The following PLCH1 variants were observed in gnomAD, a reference collection of about 807,000 sequenced individuals.
The protein encoded by PLCH1 is phospholipase C eta 1.
PLCH1 carries 60 observed loss-of-function variants against 126.7 expected under a neutral mutation model. That is an observed-to-expected ratio of 0.47 (90% CI 0.38 to 0.59). The LOEUF (loss-of-function observed/expected upper bound fraction) is 0.59. PLCH1 is among the 20% of genes least tolerant of loss of function. The pLI is 0.00. For synonymous variants in PLCH1, 719 were observed against 734.9 expected (o/e 0.98, Z 0.35); for missense variants, 1,723 against 2,040.0 (o/e 0.84, Z 2.99).
intron 11 of PLCH1, among the ~76,000 whole-genome samples, chr3:155,521,555 C>T (rs1159967083): frequency 1.3e-5 from 2 of 152,138 alleles, no homozygotes; most frequent in African/African-American, 4.8e-5. Flanking sequence ...AGAGCTTCCT[C>T]TAAGATAATT....
chr3:155,480,960 TA>T lies in PLCH1; in HGVS notation c.*7del. The T allele has an allele frequency of 1.3e-6, 2 of 1,563,562 alleles. No homozygotes were observed. The highest frequency in any genetic ancestry group is 1.7e-6 in the Non-Finnish European group (2 of 1,150,650). On this transcript the variant is annotated 3_prime_UTR_variant, in exon 23 of 23. Transcript: ENST00000460012. ...CTTGAAAACCTTAAGAATGCAGTTTTAAATAATTCACAGTCTCAAAAGAAAA... is the reference window on the plus strand; with the variant it reads ...CTTGAAAACCTTAAGAATGCAGTTTTAATAATTCACAGTCTCAAAAGAAAA...
intron 1 of PLCH1, among the ~76,000 whole-genome samples, chr3:155,728,652 A>G (rs928980604): frequency 6.6e-6 from 1 of 152,326 alleles, no homozygotes. Flanking sequence ...AACAAGACAG[A>G]GCCCTACTAA....
intron 2 of PLCH1, among the ~76,000 whole-genome samples, chr3:155,650,863 C>A (rs1049153591): frequency 6.6e-6 from 1 of 152,118 alleles, no homozygotes; most frequent in Non-Finnish European, 1.5e-5. Context: ...CATGGCAAAA[C>A]CCCATCTCTA....
chr3:155,631,248 G>A (rs1173347801), intron 2 of PLCH1, among the ~76,000 whole-genome samples: 1 of 152,116 alleles, frequency 6.6e-6, no homozygotes, highest in Non-Finnish European at 1.5e-5. Context: ...CCTTAAATAT[G>A]AGATGGCACT....
intron 4 of PLCH1, among the ~76,000 whole-genome samples, chr3:155,591,541 A>C (rs1217763399): frequency 6.6e-6 from 1 of 152,248 alleles, no homozygotes; most frequent in Non-Finnish European, 1.5e-5. Context: ...AGAGATTTGT[A>C]AAACAGTGAA....
chr3:155,609,365 C>T (rs181109506), intron 2 of PLCH1, among the ~76,000 whole-genome samples: 23 of 152,284 alleles, frequency 1.5e-4, no homozygotes, highest in Admixed American at 3.3e-4. Context: ...ATCAAGCAAT[C>T]GCCCCATGGG....
chr3:155,660,518 C>T (rs1342890382), intron 2 of PLCH1, among the ~76,000 whole-genome samples: 1 of 152,226 alleles, frequency 6.6e-6, no homozygotes, highest in East Asian at 1.9e-4. Flanking sequence ...CAGAGATTGA[C>T]AAAGGCAGAC....
intron 4 of PLCH1, among the ~76,000 whole-genome samples, chr3:155,589,178 C>T (rs359560): frequency 0.87 from 131,923 of 152,116 alleles, 57,897 homozygotes; most frequent in African/African-American, 0.97. Context: ...TCCTATCTAG[C>T]ACAGGGGAGG....
At chr3:155,539,097 CACATGT>C (rs1723857396) in intron 10 of PLCH1, among the ~76,000 whole-genome samples, 1 of 151,948 alleles carries the variant, frequency 6.6e-6, no homozygotes, top group Non-Finnish European at 1.5e-5. Context: ...GGGATGGTTT[CACATGT>C]ACAAGTCAAT....
At chr3:155,490,945 AAAATG>A (rs1716084152) in intron 18 of PLCH1, 77 bp from the exon 19 acceptor site, 3 of 813,316 alleles carry the variant, frequency 3.7e-6, no homozygotes, top group Non-Finnish European at 6.1e-6. Flanking sequence ...AATATTGGCC[AAAATG>A]TCTACATTTC....
At chr3:155,709,249 G>A (rs1746913861) in intron 1 of PLCH1, among the ~76,000 whole-genome samples, 1 of 152,188 alleles carries the variant, frequency 6.6e-6, no homozygotes, top group Non-Finnish European at 1.5e-5. Context: ...ACATCCATGT[G>A]CAAGTTTTTG....
At chr3:155,643,265 G>T (rs567258235) in intron 2 of PLCH1, among the ~76,000 whole-genome samples, 3 of 152,004 alleles carry the variant, frequency 2.0e-5, no homozygotes, top group Non-Finnish European at 4.4e-5. Context: ...TGGTTACTTA[G>T]ATCACTATGC....
chr3:155,617,357 C>T (rs1421150269), intron 2 of PLCH1, among the ~76,000 whole-genome samples: 1 of 152,100 alleles, frequency 6.6e-6, no homozygotes, highest in African/African-American at 2.4e-5. Flanking sequence ...TGGAGAGCTA[C>T]TATGTTCAAA....
At chr3:155,563,077 C>T (rs1011439149) in intron 8 of PLCH1, among the ~76,000 whole-genome samples, 3 of 152,212 alleles carry the variant, frequency 2.0e-5, no homozygotes, top group African/African-American at 7.2e-5. Flanking sequence ...ACCCTTTCAT[C>T]CTTTAGATCC....
At chr3:155,575,931 C>T (rs1729886399) in intron 6 of PLCH1, among the ~76,000 whole-genome samples, 1 of 152,156 alleles carries the variant, frequency 6.6e-6, no homozygotes, top group Non-Finnish European at 1.5e-5. Context: ...CAGGGGCAAA[C>T]CACTGGGCCT....
At chr3:155,523,724 C>T (rs1721511605) in intron 11 of PLCH1, among the ~76,000 whole-genome samples, 173 bp downstream of exon 11, 1 of 152,226 alleles carries the variant, frequency 6.6e-6, no homozygotes, top group African/African-American at 2.4e-5. Flanking sequence ...TTGACTCATT[C>T]ATTCAACAAA....
In PLCH1 at chr3:155,657,468, G is replaced by A. The variant is rs554220039; in HGVS notation, c.79+46678C>T. The stretch of plus-strand genomic sequence containing the variant: ...AGAGAAGAGCTCCGGAGATAGATGC[G>A]GACTCTAGCATTCGGCTGAGTACTA... On this transcript the variant is annotated intron_variant, in intron 2 of 22. Coordinates refer to ENST00000460012, the MANE Select transcript of PLCH1 (RefSeq NM_014996.4). 5.3e-5 allele frequency among the ~76,000 whole-genome samples: 8 copies of A among 152,218 alleles called. No homozygotes were observed. In the South Asian group the frequency reaches 1.0e-3, roughly 20 times the overall value.
At chr3:155,628,069 A>G (rs1737563429) in intron 2 of PLCH1, among the ~76,000 whole-genome samples, 1 of 152,128 alleles carries the variant, frequency 6.6e-6, no homozygotes, top group African/African-American at 2.4e-5. Flanking sequence ...TCCCGGGCTT[A>G]AGACACATTT....
chr3:155,668,640 C>G (rs1333957611), intron 2 of PLCH1, among the ~76,000 whole-genome samples: 1 of 152,104 alleles, frequency 6.6e-6, no homozygotes, highest in Non-Finnish European at 1.5e-5. Flanking sequence ...CACCTGTAAT[C>G]CCAGCACTTT....
Sources: gnomAD v4.1 joint callset for allele counts (sites outside exome capture counted in the v4.1 genomes callset) on GRCh38, gnomAD v4.1.1 for gene constraint, MANE v1.5 for transcripts, NCBI Gene and HGNC (gene_info 2026-07-23, HGNC 2026-07-21) for gene names.